Variants in SIDT1 observed in about 807,000 individuals in gnomAD.
The protein encoded by SIDT1 is SID1 transmembrane family member 1, also known as SID1 transmembrane family, member 1.
Under a neutral mutation model 107.5 loss-of-function variants are expected in SIDT1, and 101 were observed. The observed-to-expected ratio is 0.94, with a 90% CI of 0.80 to 1.11. SIDT1 has a LOEUF of 1.11. SIDT1 is among the 50% of genes least tolerant of loss of function. The pLI is 0.00. For missense variants in SIDT1, 1,076 were observed against 1,058.2 expected (o/e 1.02, Z -0.23); for synonymous variants, 395 against 398.2 (o/e 0.99, Z 0.10).
intron 1 of SIDT1, among the ~76,000 whole-genome samples, chr3:113,551,197 C>T (rs1365413412): frequency 6.6e-6 from 1 of 152,102 alleles, no homozygotes; most frequent in Non-Finnish European, 1.5e-5. Context: ...TATGTCTTTG[C>T]TATTGTGAAT....
intron 14 of SIDT1, 52 bp downstream of exon 14, chr3:113,605,028 G>T: frequency 1.3e-6 from 2 of 1,594,956 alleles, no homozygotes; most frequent in Non-Finnish European, 1.7e-6. Context: ...TTTCTGCAGG[G>T]AGAGTCTCCA....
intron 9 of SIDT1, among the ~76,000 whole-genome samples, chr3:113,590,562 A>G (rs1944073182): frequency 6.6e-6 from 1 of 152,194 alleles, no homozygotes; most frequent in Admixed American, 6.5e-5. Context: ...AACCATCACT[A>G]CGATCTAATT....
intron 4 of SIDT1, among the ~76,000 whole-genome samples, chr3:113,578,323 C>A (rs1410802140): frequency 2.0e-5 from 3 of 151,912 alleles, no homozygotes; most frequent in African/African-American, 4.8e-5. Context: ...AAAAATTACC[C>A]GGGCATGGTG....
rs114984001 is a variant in SIDT1, at chr3:113,533,832, G to A, written c.222+589G>A. 2.4e-3 allele frequency among the ~76,000 whole-genome samples: 364 copies of A among 152,310 alleles called. 1 individual carries two copies. Among genetic ancestry groups the A allele is most frequent in the African/African-American group, 8.3e-3 (343 of 41,570 alleles). The stretch of plus-strand genomic sequence containing the variant: ...GACGCCAGAAGACCTGGGCAAAGAC[G>A]TGAGAACTGCAGCCATCAGCTGATC... On this transcript the variant is annotated intron_variant, in intron 1 of 24. Coordinates refer to ENST00000264852, the MANE Select transcript of SIDT1 (RefSeq NM_017699.3).
intron 3 of SIDT1, among the ~76,000 whole-genome samples, chr3:113,570,809 C>T (rs1421060408): frequency 6.6e-6 from 1 of 152,140 alleles, no homozygotes; most frequent in African/African-American, 2.4e-5. Flanking sequence ...GAGTGGCAGC[C>T]TATAATGTAT....
Position 113,620,017 on chromosome 3 carries a change from T to A in SIDT1, c.2090+291T>A, listed in dbSNP as rs75627043. The A allele has an allele frequency of 4.6e-3, 1,248 of 269,526 alleles. 19 individuals carry two copies. The highest frequency in any genetic ancestry group is 0.032 in the Admixed American group (634 of 19,974). 16.7% of individuals were successfully genotyped at this position (269,526 alleles called of 1,614,324 possible). ...ATGGGATGGACAGATGGATGGATAG[T>A]TGAATGGTTAGATAGATAGATAGAT... On this transcript the variant is annotated intron_variant, in intron 21 of 24. Transcript: ENST00000264852.
Position 113,592,528 on chromosome 3 carries a change from T to C in SIDT1, c.1002-477T>C, listed in dbSNP as rs75672264. ...TACATTCCCACCAACAATGTATGAG[T>C]TCCAATTTCTCCATATCCAAAGACA... On this transcript the variant is annotated intron_variant, in intron 9 of 24. Transcript: ENST00000264852. Among the ~76,000 whole-genome samples the C allele has an allele frequency of 4.4e-3, 676 of 152,314 alleles. 9 individuals are homozygous for C. Among genetic ancestry groups the C allele is most frequent in the East Asian group, 0.028 (143 of 5,190 alleles).
Position 113,581,419 on chromosome 3 carries a change from C to G in SIDT1, c.722C>G (p.Thr241Ser). 6.2e-7 allele frequency: 1 copy of G among 1,614,038 alleles called. No individual in the cohort carries two copies. The highest frequency in any genetic ancestry group is 8.5e-7 in the Non-Finnish European group (1 of 1,179,910). ...VEFNGVYQSM[T>S]KKAAITLQKK... ...TTTAATGGTGTCTATCAGTCCATGA[C>G]CAAGAAAGCTGCCATCACGCTACAG... The change falls in exon 6 of 25, where the codon ACC becomes AGC. Residue 241 changes from threonine to serine, a missense_variant. Thr to Ser is a moderately conservative substitution (Grantham distance 58, BLOSUM62 1). Transcript: ENST00000264852.
In SIDT1 at chr3:113,608,506, G is replaced by A. The variant is rs762310279; in HGVS notation, c.1690G>A (p.Val564Ile). 5 of 1,613,272 alleles carry A rather than the reference G, an allele frequency of 3.1e-6. No homozygotes were observed. Among genetic ancestry groups the A allele is most frequent in the South Asian group, 1.1e-5 (1 of 91,066 alleles). Residue 564 changes from valine (V) to isoleucine (I), a missense_variant, in exon 17 of 25, where the codon GTC (valine) becomes ATC (isoleucine). Physicochemically the swap from Val to Ile is conservative, Grantham distance 29. Coordinates refer to ENST00000264852, the MANE Select transcript of SIDT1 (RefSeq NM_017699.3). Reference protein sequence around the residue: ...MEGVLSACYHVCPNYSNFQFD... With the variant: ...MEGVLSACYHICPNYSNFQFD... ...AGGGGTGCTCAGTGCTTGCTACCAT[G>A]TCTGCCCTAATTATTCCAACTTCCA...
In SIDT1 at chr3:113,585,194, T is replaced by C. The variant is rs752231996; in HGVS notation, c.925T>C (p.Ser309Pro). The C allele has an allele frequency of 8.7e-6, 14 of 1,613,360 alleles. No individual in the cohort carries two copies. In the East Asian group the frequency reaches 3.1e-4, roughly 36 times the overall value. Residue 309 changes from serine (S) to proline (P), a missense_variant, in exon 9 of 25, where the codon TCC becomes CCC. Coordinates refer to ENST00000264852, the MANE Select transcript of SIDT1 (RefSeq NM_017699.3). ...CCCTTCAGAATCTGTTTATGTGAAA[T>C]CCAGTCTTTTCAGTGTCTTCATCTT... Reference protein sequence around the residue: ...PSIKESVYVKSSLFSVFIFLS... With the variant: ...PSIKESVYVKPSLFSVFIFLS...
intron 1 of SIDT1, among the ~76,000 whole-genome samples, chr3:113,551,702 G>A (rs1385472289): frequency 6.6e-6 from 1 of 152,028 alleles, no homozygotes; most frequent in African/African-American, 2.4e-5. Flanking sequence ...AGGCAAGCTG[G>A]GTTGATACTA....
chr3:113,555,506 C>T (rs974366705), intron 1 of SIDT1, among the ~76,000 whole-genome samples: 2 of 152,164 alleles, frequency 1.3e-5, no homozygotes, highest in Non-Finnish European at 2.9e-5. Flanking sequence ...TATTCTTGGC[C>T]TGCCAATGAT....
At position 113,616,155 on chromosome 3, in the gene SIDT1, G is replaced by A; in HGVS notation, c.2022G>A (p.Gln674=). The A allele has an allele frequency of 6.2e-7, 1 of 1,613,862 alleles. No individual in the cohort carries two copies. Among genetic ancestry groups the A allele is most frequent in the Non-Finnish European group, 8.5e-7 (1 of 1,179,720 alleles). ...TGTTCTACACAGACTGTATCCAGCAGTGTAGCCGACCTCTATATATGGTAT... is the reference window on the plus strand; with the variant it reads ...TGTTCTACACAGACTGTATCCAGCAATGTAGCCGACCTCTATATATGGTAT... ...AMVFYTDCIQ[Q]CSRPLYMDRM... is the part of the protein sequence containing the mutation. Residue 674 remains glutamine (Q), a synonymous_variant, in exon 20 of 25, where the codon CAG becomes CAA. Coordinates refer to ENST00000264852, the MANE Select transcript of SIDT1 (RefSeq NM_017699.3).
intron 1 of SIDT1, among the ~76,000 whole-genome samples, chr3:113,555,791 AGCTGGAAGCCAG>A (rs1464641805): frequency 6.6e-6 from 1 of 152,046 alleles, no homozygotes; most frequent in Non-Finnish European, 1.5e-5. Flanking sequence ...CTTCCAGGCT[AGCTGGAAGCCAG>A]GCTGTGAAAA....
intron 1 of SIDT1, among the ~76,000 whole-genome samples, chr3:113,537,843 C>T (rs1163068878): frequency 6.6e-6 from 1 of 152,202 alleles, no homozygotes; most frequent in African/African-American, 2.4e-5. Context: ...AGTGCAGTGG[C>T]ACGATCTCGG....
rs199860482 is a variant in SIDT1 at position 113,584,061 on chromosome 3, C to CT, written c.835+566dup. On this transcript the variant is annotated intron_variant, in intron 7 of 24. Coordinates refer to ENST00000264852, the MANE Select transcript of SIDT1 (RefSeq NM_017699.3). Reference sequence around the variant, plus strand: ...ATAGTTATGGTTAACTACCCAGTAGCTACCTTAAGGGCAGAATAGGCTGAT... The same window carrying CT: ...ATAGTTATGGTTAACTACCCAGTAGCTTACCTTAAGGGCAGAATAGGCTGAT... 2.2e-4 allele frequency among the ~76,000 whole-genome samples: 34 copies of CT among 152,312 alleles called. No homozygotes were observed. In the East Asian group the frequency reaches 6.6e-3, roughly 29 times the overall value.
chr3:113,568,429 C>T (rs1250529604), intron 3 of SIDT1, among the ~76,000 whole-genome samples: 2 of 151,740 alleles, frequency 1.3e-5, no homozygotes, highest in Admixed American at 1.3e-4. Flanking sequence ...CCCATCTCTA[C>T]TAAAAATACA....
At chr3:113,552,943 A>G (rs1940435749) in intron 1 of SIDT1, among the ~76,000 whole-genome samples, 1 of 152,078 alleles carries the variant, frequency 6.6e-6, no homozygotes, top group South Asian at 2.1e-4. Context: ...AACCAACCCC[A>G]CCAAACATCT....
chr3:113,568,111 C>T (rs73854518), intron 3 of SIDT1, among the ~76,000 whole-genome samples: 3,177 of 152,118 alleles, frequency 0.021, 62 homozygotes, highest in African/African-American at 0.055. Context: ...CTGTTTTCTC[C>T]TTCCAGGTTA....
Sources: allele counts gnomAD v4.1 joint callset (sites outside exome capture counted in the v4.1 genomes callset), GRCh38; gene constraint gnomAD v4.1.1; transcripts MANE v1.5; gene names NCBI Gene and HGNC (gene_info 2026-07-23, HGNC 2026-07-21).